Variants in VCAN observed in about 807,000 individuals in gnomAD.
The protein encoded by VCAN is versican.
Under a neutral mutation model 245.5 loss-of-function variants are expected in VCAN, and 44 were observed. The ratio of observed to expected loss-of-function variants is 0.18; its 90% CI spans 0.14 to 0.23. The LOEUF is 0.23. VCAN is among the 10% of genes least tolerant of loss of function. The probability of loss-of-function intolerance (pLI) is 1.00; values close to 1 mark genes in which losing one functional copy is unlikely to be tolerated. For missense variants in VCAN, 3,793 were observed against 4,057.9 expected (o/e 0.93, Z 1.77); for synonymous variants, 1,413 against 1,437.0 (o/e 0.98, Z 0.38).
intron 10 of VCAN, among the ~76,000 whole-genome samples, chr5:83,552,687 A>T (rs1205882821): frequency 6.6e-6 from 1 of 152,158 alleles, no homozygotes; most frequent in Non-Finnish European, 1.5e-5. Flanking sequence ...ACCTGGTGGA[A>T]TGGGGGGGTG....
Position 83,512,090 on chromosome 5 carries a change from CT to C in VCAN, c.749-5del, listed in dbSNP as rs1191752070. ...TAAAACTTTGGGCTTTTTTTCCCTT[CT>C]TTTTTTTCCAGGTGATGTGTTCCAC... On this transcript the variant is annotated splice_polypyrimidine_tract_variant and intron_variant, in intron 5 of 14. Transcript: ENST00000265077. The C allele has an allele frequency of 2.5e-6, 4 of 1,613,382 alleles. No homozygotes were observed. Among genetic ancestry groups the C allele is most frequent in the East Asian group, 4.5e-5 (2 of 44,892 alleles).
intron 12 of VCAN, among the ~76,000 whole-genome samples, chr5:83,560,668 C>T (rs1264397883): frequency 6.6e-6 from 1 of 152,188 alleles, no homozygotes; most frequent in Non-Finnish European, 1.5e-5. Context: ...ATCAGAAACT[C>T]TTACATGCTT....
chr5:83,560,200 C>T (rs1455245583), intron 12 of VCAN, among the ~76,000 whole-genome samples: 1 of 152,016 alleles, frequency 6.6e-6, no homozygotes, highest in East Asian at 1.9e-4. Flanking sequence ...CCTCTGCCAC[C>T]CCTGCAGGTT....
At chr5:83,513,507 A>G (rs1256554606) in intron 6 of VCAN, among the ~76,000 whole-genome samples, 1 of 152,212 alleles carries the variant, frequency 6.6e-6, no homozygotes, top group Non-Finnish European at 1.5e-5. Context: ...TTGTTTTCAC[A>G]CTTTTATCTC....
chr5:83,548,532 T>C (rs546951737), intron 10 of VCAN, among the ~76,000 whole-genome samples: 1 of 152,338 alleles, frequency 6.6e-6, no homozygotes, highest in South Asian at 2.1e-4. Flanking sequence ...ACATGCTAAG[T>C]AGAAGATATT....
At chr5:83,530,507 G>A (rs1472112677) in intron 7 of VCAN, among the ~76,000 whole-genome samples, 6 of 152,118 alleles carry the variant, frequency 3.9e-5, no homozygotes, top group African/African-American at 1.2e-4. Flanking sequence ...GACATGCCTA[G>A]TGAGAGGAGC....
At chr5:83,473,443 G>A (rs1744269432) in intron 1 of VCAN, among the ~76,000 whole-genome samples, 3 of 152,110 alleles carry the variant, frequency 2.0e-5, no homozygotes, top group Non-Finnish European at 2.9e-5. Flanking sequence ...AGTCTCTCTG[G>A]GTCGCGTTCC....
intron 1 of VCAN, among the ~76,000 whole-genome samples, chr5:83,473,149 C>T (rs992279494): frequency 1.3e-5 from 2 of 152,196 alleles, no homozygotes; most frequent in Admixed American, 6.5e-5. Flanking sequence ...AGCGCCCCAC[C>T]GTCCTGCAGA....
intron 7 of VCAN, among the ~76,000 whole-genome samples, chr5:83,534,879 C>T (rs1193351): frequency 0.66 from 100,301 of 151,268 alleles, 33,645 homozygotes; most frequent in African/African-American, 0.76. Context: ...CAAAGTTTAC[C>T]TTCAATGCAA....
chr5:83,539,988 A>T lies in VCAN; in HGVS notation c.6985A>T (p.Ser2329Cys), dbSNP rs1746902578. 1 of 1,614,110 alleles carries T rather than the reference A, an allele frequency of 6.2e-7. No homozygotes were observed. Reference sequence around the variant, plus strand: ...CTTTGAAGGTAGTGGGTCAGTAACCAGCACAACATTAATAGAAATTTTAAG... The same window carrying T: ...CTTTGAAGGTAGTGGGTCAGTAACCTGCACAACATTAATAGAAATTTTAAG... ...DIFEGSGSVTSTTLIEILSDT... is the reference protein window; with the variant it reads ...DIFEGSGSVTCTTLIEILSDT... The change falls in exon 8 of 15, where the codon AGC becomes TGC. Residue 2329 changes from serine (S) to cysteine (C), a missense_variant. By Grantham distance (112) the Ser-to-Cys change is moderately radical (BLOSUM62 -1). This residue lies in a region of VCAN where 3,182 missense variants were observed against 3,250.3 expected (regional missense o/e 0.98). Transcript: ENST00000265077.
chr5:83,561,652 C>T (rs1747870507), intron 12 of VCAN, among the ~76,000 whole-genome samples: 1 of 152,068 alleles, frequency 6.6e-6, no homozygotes, highest in African/African-American at 2.4e-5. Flanking sequence ...TAAATAAACA[C>T]ATCAGTCTGT....
intron 5 of VCAN, among the ~76,000 whole-genome samples, chr5:83,501,268 T>G (rs1580610775): frequency 6.6e-6 from 1 of 152,318 alleles, no homozygotes; most frequent in South Asian, 2.1e-4. Context: ...TTTACTTTCT[T>G]GATAAGGCCC....
chr5:83,547,630 C>A (rs1747284087), intron 9 of VCAN, among the ~76,000 whole-genome samples: 1 of 151,998 alleles, frequency 6.6e-6, no homozygotes, highest in Non-Finnish European at 1.5e-5. Context: ...GCTGTTGATT[C>A]TTCATTCGTT....
At chr5:83,572,986 C>T (rs71638255) in intron 13 of VCAN, among the ~76,000 whole-genome samples, 18,922 of 151,346 alleles carry the variant, frequency 0.13, 1,337 homozygotes, top group South Asian at 0.27. Context: ...CGGCAACCTC[C>T]GCCTCTGGGT....
chr5:83,492,763 T>C (rs569522165), intron 3 of VCAN, among the ~76,000 whole-genome samples: 6 of 152,364 alleles, frequency 3.9e-5, no homozygotes, highest in Non-Finnish European at 7.3e-5. Context: ...ACATGTTATC[T>C]GTCATAGCAG....
At chr5:83,546,443 A>G (rs1287240023) in intron 9 of VCAN, among the ~76,000 whole-genome samples, 1 of 152,122 alleles carries the variant, frequency 6.6e-6, no homozygotes, top group East Asian at 1.9e-4. Context: ...CCCAACATTC[A>G]TATTAAAAGA....
At chr5:83,522,692 G>A (rs1360652464) in intron 7 of VCAN, among the ~76,000 whole-genome samples, 1 of 152,158 alleles carries the variant, frequency 6.6e-6, no homozygotes, top group African/African-American at 2.4e-5. Context: ...TTAACCTTCA[G>A]TACTTACAAT....
intron 5 of VCAN, among the ~76,000 whole-genome samples, chr5:83,510,025 C>T (rs766988512): frequency 6.6e-6 from 1 of 152,154 alleles, no homozygotes; most frequent in Non-Finnish European, 1.5e-5. Flanking sequence ...GTAACTGGCC[C>T]TGTGACCCTT....
chr5:83,540,873 G>A lies in VCAN; in HGVS notation c.7870G>A (p.Glu2624Lys), dbSNP rs770582396. 1.9e-6 allele frequency: 3 copies of A among 1,613,982 alleles called. No homozygotes were observed. The highest frequency in any genetic ancestry group is 4.5e-5 in the East Asian group (2 of 44,854). ...CAGCACTCAAGTTCAAGAGATCTAT[G>A]AGGCAGCTGTCAACCTTTCTTTAAC... ...DDSTQVQEIY[E>K]AAVNLSLTEE... is the part of the protein sequence containing the mutation. Residue 2624 changes from glutamate (E) to lysine (K), a missense_variant, in exon 8 of 15, where the codon GAG (glutamate) becomes AAG (lysine). Coordinates refer to ENST00000265077, the MANE Select transcript of VCAN (RefSeq NM_004385.5).
Sources: allele counts gnomAD v4.1 joint callset (sites outside exome capture counted in the v4.1 genomes callset), GRCh38; gene constraint gnomAD v4.1.1; regional missense constraint gnomAD v4.1.1; transcripts MANE v1.5; gene names NCBI Gene and HGNC (gene_info 2026-07-23, HGNC 2026-07-21).